The following PGCKA1 variants were observed in gnomAD, a reference collection of about 807,000 sequenced individuals.
The protein encoded by PGCKA1 is PDCD10 and GCKIII kinases associated 1, also known as PDCD10 and GCKIII kinases-associated protein 1.
the PGCKA1 span, among the ~76,000 whole-genome samples, chr4:37,548,022 AG>A: frequency 0.15 from 22,074 of 145,642 alleles, 2,293 homozygotes; most frequent in Non-Finnish European, 0.22. Flanking sequence ...GGAAAAAAAA[AG>A]GGGGGGAGGC....
the PGCKA1 span, among the ~76,000 whole-genome samples, chr4:37,479,265 C>T: frequency 6.6e-6 from 1 of 152,176 alleles, no homozygotes; most frequent in East Asian, 1.9e-4. Flanking sequence ...CTTCTATATT[C>T]AGCTTTTCAG....
At chr4:37,458,323 A>C in the PGCKA1 span, among the ~76,000 whole-genome samples, 1 of 152,228 alleles carries the variant, frequency 6.6e-6, no homozygotes, top group Admixed American at 6.5e-5. Context: ...TCCAAAACAT[A>C]GCCACTGTTT....
chr4:37,547,914 T>C, the PGCKA1 span, among the ~76,000 whole-genome samples: 2 of 150,696 alleles, frequency 1.3e-5, no homozygotes, highest in Admixed American at 1.3e-4. Flanking sequence ...ACATGTATTA[T>C]GGTAACTTCT....
At chr4:37,539,837 C>T in the PGCKA1 span, among the ~76,000 whole-genome samples, 5 of 151,914 alleles carry the variant, frequency 3.3e-5, no homozygotes, top group Admixed American at 2.0e-4. Context: ...TGGAAAAGGC[C>T]AGAGACGTGA....
the PGCKA1 span, chr4:37,591,217 A>G: frequency 3.9e-5 from 18 of 458,092 alleles, no homozygotes; most frequent in Non-Finnish European, 2.7e-5. Context: ...CATTCAGGAC[A>G]CTAGGAGAAA....
At chr4:37,491,530 T>C in the PGCKA1 span, among the ~76,000 whole-genome samples, 11 of 152,318 alleles carry the variant, frequency 7.2e-5, no homozygotes, top group African/African-American at 2.6e-4. Context: ...ATTAATAATA[T>C]TTGCCAATTG....
the PGCKA1 span, among the ~76,000 whole-genome samples, chr4:37,518,883 T>C: frequency 6.6e-6 from 1 of 152,216 alleles, no homozygotes; most frequent in African/African-American, 2.4e-5. Context: ...CGTTTTCCTG[T>C]AGTAGTTTCA....
the PGCKA1 span, among the ~76,000 whole-genome samples, chr4:37,509,271 C>T: frequency 7.7e-6 from 1 of 130,292 alleles, no homozygotes; most frequent in African/African-American, 3.1e-5. Flanking sequence ...GAGGCGCCCC[C>T]CACCTCCCAG....
the PGCKA1 span, among the ~76,000 whole-genome samples, chr4:37,533,566 C>G: frequency 6.6e-6 from 1 of 152,126 alleles, no homozygotes; most frequent in Non-Finnish European, 1.5e-5. Flanking sequence ...ATTCTTTGAC[C>G]TGCAAAATTC....
At chr4:37,501,518 T>C in the PGCKA1 span, among the ~76,000 whole-genome samples, 99 of 152,174 alleles carry the variant, frequency 6.5e-4, 1 homozygote, top group Non-Finnish European at 1.4e-3. Context: ...ACAAAAACAG[T>C]CCTTTGTGCC....
the PGCKA1 span, chr4:37,591,015 A>G: frequency 2.5e-6 from 4 of 1,586,236 alleles, no homozygotes; most frequent in Non-Finnish European, 3.4e-6. Context: ...GGGGATTTGC[A>G]CAGGGAGGTA....
At chr4:37,478,111 G>T in the PGCKA1 span, among the ~76,000 whole-genome samples, 2 of 148,342 alleles carry the variant, frequency 1.3e-5, no homozygotes, top group African/African-American at 5.0e-5. Context: ...ATGCCCAAAT[G>T]TACTAATTTT....
the PGCKA1 span, among the ~76,000 whole-genome samples, chr4:37,554,383 G>A: frequency 3.3e-5 from 5 of 151,736 alleles, no homozygotes; most frequent in African/African-American, 1.2e-4. Flanking sequence ...GCAGAGTCTT[G>A]CTCTGTCACC....
chr4:37,501,154 T>C, the PGCKA1 span, among the ~76,000 whole-genome samples: 3 of 152,296 alleles, frequency 2.0e-5, no homozygotes, highest in East Asian at 5.8e-4. Context: ...GATCCTGTCA[T>C]CATGATGTCA....
chr4:37,489,071 G>A, the PGCKA1 span, among the ~76,000 whole-genome samples: 9 of 152,156 alleles, frequency 5.9e-5, no homozygotes, highest in African/African-American at 1.9e-4. Context: ...ATACGCAGAG[G>A]TCCTGGAAGA....
the PGCKA1 span, among the ~76,000 whole-genome samples, chr4:37,477,003 G>T: frequency 6.6e-6 from 1 of 152,066 alleles, no homozygotes; most frequent in Non-Finnish European, 1.5e-5. Flanking sequence ...TTCCTTAAAA[G>T]TTTAAACACA....
chr4:37,467,879 A>T, the PGCKA1 span, among the ~76,000 whole-genome samples: 1 of 152,318 alleles, frequency 6.6e-6, no homozygotes, highest in Non-Finnish European at 1.5e-5. Flanking sequence ...TAGATTTCAG[A>T]TCTGAGGCAA....
At chr4:37,527,382 C>T in the PGCKA1 span, among the ~76,000 whole-genome samples, 1 of 152,154 alleles carries the variant, frequency 6.6e-6, no homozygotes, top group Non-Finnish European at 1.5e-5. Flanking sequence ...TTCATATTCA[C>T]TCAAACTCAC....
At chr4:37,563,277 G>A in the PGCKA1 span, among the ~76,000 whole-genome samples, 1 of 152,172 alleles carries the variant, frequency 6.6e-6, no homozygotes, top group Admixed American at 6.5e-5. Context: ...GAGTCCTGGA[G>A]GCCGGGAGGT....
Sources: gnomAD v4.1 joint callset for allele counts (sites outside exome capture counted in the v4.1 genomes callset) on GRCh38, gnomAD v4.1.1 for gene constraint, MANE v1.5 for transcripts, NCBI Gene and HGNC (gene_info 2026-07-23, HGNC 2026-07-21) for gene names.